ICA1: variants seen among roughly 807,000 people sequenced by gnomAD.
ICA1 encodes 69 kDa islet cell autoantigen.
In ICA1, 40 loss-of-function variants were observed where a neutral mutation model predicts 71.0. That is an observed-to-expected ratio of 0.56 (90% confidence interval 0.44 to 0.73). ICA1 has a LOEUF of 0.73. Among genes scored for constraint, ICA1 ranks in the 30% least tolerant of loss-of-function variants. ICA1 has a pLI of 0.00. For synonymous variants in ICA1, 207 were observed against 209.5 expected, an observed-to-expected ratio of 0.99 and a Z score of 0.10; for missense variants, 578 against 576.5, an observed-to-expected ratio of 1.00 and a Z score of -0.03.
rs1408692240 is a variant in ICA1 at position 8,181,148 on chromosome 7, TTTTTGTGTATGATATGA to T, written c.580-22513_580-22497del. On this transcript the variant is annotated intron_variant, in intron 6 of 13. Transcript: ENST00000402384. ...AAGTCTATGATCCAGCCCTAGTTAA[TTTTTGTGTATGATATGA>T]AATAGGGGTCGGGTTCCTGGTATTC... Among the ~76,000 whole-genome samples, 9 of 152,298 alleles carry T rather than the reference TTTTTGTGTATGATATGA, an allele frequency of 5.9e-5. No individual in the cohort carries two copies. In the South Asian group the frequency reaches 1.7e-3, roughly 28 times the overall value.
At chr7:8,149,710 T>A (rs1453265467) in intron 8 of ICA1, among the ~76,000 whole-genome samples, 1 of 152,250 alleles carries the variant, frequency 6.6e-6, no homozygotes, top group African/African-American at 2.4e-5. Context: ...AATTACGACA[T>A]CTAATTTTCT....
chr7:8,197,100 A>G (rs1585122336), intron 6 of ICA1, among the ~76,000 whole-genome samples: 1 of 151,974 alleles, frequency 6.6e-6, no homozygotes, highest in South Asian at 2.1e-4. Context: ...TTTTCTACAC[A>G]TGAGCATTTA....
At chr7:8,122,030 G>T (rs570672693) in intron 13 of ICA1, among the ~76,000 whole-genome samples, 115 of 152,320 alleles carry the variant, frequency 7.5e-4, no homozygotes, top group African/African-American at 2.6e-3. Flanking sequence ...CTCAAGGAAG[G>T]CTCCTCAGTG....
At chr7:8,227,613 T>TC in intron 4 of ICA1, 1 of 381,852 alleles carries the variant, frequency 2.6e-6, no homozygotes, top group Non-Finnish European at 5.0e-6. Flanking sequence ...GTCTTTTTTT[T>TC]TTTTTTTTTT....
At chr7:8,251,239 A>C (rs947815657) in intron 1 of ICA1, among the ~76,000 whole-genome samples, 1 of 152,176 alleles carries the variant, frequency 6.6e-6, no homozygotes, top group African/African-American at 2.4e-5. Flanking sequence ...CTCAGGTGTT[A>C]TATACAATGA....
intron 1 of ICA1, among the ~76,000 whole-genome samples, chr7:8,256,498 C>T (rs569345480): frequency 8.9e-4 from 136 of 152,262 alleles, no homozygotes; most frequent in Admixed American, 2.1e-3. Context: ...AATGCCCTCC[C>T]CCTCCTTTGT....
chr7:8,136,501 C>T (rs1304059281), intron 12 of ICA1, among the ~76,000 whole-genome samples: 1 of 152,176 alleles, frequency 6.6e-6, no homozygotes, highest in Non-Finnish European at 1.5e-5. Context: ...GTTCTCTGTG[C>T]ACTGAGAGAA....
At chr7:8,176,481 C>A (rs1420028940) in intron 6 of ICA1, among the ~76,000 whole-genome samples, 1 of 152,178 alleles carries the variant, frequency 6.6e-6, no homozygotes, top group Non-Finnish European at 1.5e-5. Flanking sequence ...GCCACCTGAT[C>A]CTGTGTGTGC....
intron 1 of ICA1, among the ~76,000 whole-genome samples, chr7:8,250,700 T>G (rs1807867578): frequency 6.6e-6 from 1 of 152,226 alleles, no homozygotes; most frequent in African/African-American, 2.4e-5. Context: ...TTTTGATATT[T>G]CATAAATTCA....
rs111797895 is a variant in ICA1 at position 8,254,474 on chromosome 7, G to C, written c.-80+7620C>G. Among the ~76,000 whole-genome samples, 59 of 149,420 alleles carry C rather than the reference G, an allele frequency of 3.9e-4. 1 individual carries two copies. Among genetic ancestry groups the C allele is most frequent in the African/African-American group, 1.4e-3 (57 of 40,446 alleles). On this transcript the variant is annotated intron_variant, in intron 1 of 13. Transcript: ENST00000402384. ...AGCACTATATGATCATGTATGCTCA[G>C]CTAACAGCACCACACTTGCGTCTGC...
intron 6 of ICA1, among the ~76,000 whole-genome samples, chr7:8,165,987 T>C (rs1396485259): frequency 6.6e-6 from 1 of 152,160 alleles, no homozygotes; most frequent in South Asian, 2.1e-4. Context: ...AAACTACCAA[T>C]GCCATTCGTT....
intron 6 of ICA1, among the ~76,000 whole-genome samples, chr7:8,182,493 A>G (rs996963504): frequency 4.1e-4 from 62 of 152,346 alleles, no homozygotes; most frequent in African/African-American, 1.4e-3. Flanking sequence ...CTTCCCTGGA[A>G]ACAGAAGTCA....
At chr7:8,250,584 G>C (rs1360757879) in intron 1 of ICA1, among the ~76,000 whole-genome samples, 1 of 152,184 alleles carries the variant, frequency 6.6e-6, no homozygotes, top group Non-Finnish European at 1.5e-5. Flanking sequence ...CTGCACACAA[G>C]GCTACAGTGA....
intron 6 of ICA1, among the ~76,000 whole-genome samples, chr7:8,161,008 C>T (rs370647656): frequency 3.3e-5 from 5 of 152,160 alleles, no homozygotes; most frequent in African/African-American, 7.2e-5. Context: ...CCAGGAAGGC[C>T]GCCTCAGCTG....
At chr7:8,164,134 G>A (rs1432418265) in intron 6 of ICA1, among the ~76,000 whole-genome samples, 5 of 151,490 alleles carry the variant, frequency 3.3e-5, no homozygotes, top group Admixed American at 6.6e-5. Context: ...GTGAAACCCC[G>A]TCTCTACTAA....
At chr7:8,201,191 C>T (rs1397883518) in intron 6 of ICA1, among the ~76,000 whole-genome samples, 1 of 152,166 alleles carries the variant, frequency 6.6e-6, no homozygotes, top group Admixed American at 6.5e-5. Context: ...TGGATTGTTG[C>T]AGGAGAAATA....
At chr7:8,114,562 C>A (rs543374209) in intron 13 of ICA1, among the ~76,000 whole-genome samples, 1 of 152,186 alleles carries the variant, frequency 6.6e-6, no homozygotes, top group Non-Finnish European at 1.5e-5. Flanking sequence ...AGGGTCACTG[C>A]CTTCTTCAAT....
rs137907689 is a variant in ICA1 at position 8,243,677 on chromosome 7, C to G, written c.-79-7672G>C. Among the ~76,000 whole-genome samples the G allele has an allele frequency of 2.2e-3, 331 of 152,336 alleles. 3 individuals carry two copies. Among genetic ancestry groups the G allele is most frequent in the African/African-American group, 7.4e-3 (308 of 41,568 alleles). On this transcript the variant is annotated intron_variant, in intron 1 of 13. Transcript: ENST00000402384. Reference sequence around the variant, plus strand: ...GTATATTTAGAAAACCCCATTGTCTCAGCCCCAAATCTCCTTAAGCAGACA... The same window carrying G: ...GTATATTTAGAAAACCCCATTGTCTGAGCCCCAAATCTCCTTAAGCAGACA...
intron 6 of ICA1, among the ~76,000 whole-genome samples, chr7:8,160,976 T>C (rs1258655137): frequency 6.6e-6 from 1 of 152,218 alleles, no homozygotes; most frequent in Non-Finnish European, 1.5e-5. Context: ...TAGATCCCTG[T>C]GTTGGTCATC....
Sources: allele counts gnomAD v4.1 joint callset (sites outside exome capture counted in the v4.1 genomes callset), GRCh38; gene constraint gnomAD v4.1.1; transcripts MANE v1.5; gene names NCBI Gene and HGNC (gene_info 2026-07-23, HGNC 2026-07-21).